RIPOR2: variants seen among roughly 807,000 people sequenced by gnomAD.
RIPOR2 encodes RHO family interacting cell polarization regulator 2.
Under a neutral mutation model 114.5 loss-of-function variants are expected in RIPOR2, and 39 were observed. The ratio of observed to expected loss-of-function variants is 0.34; its 90% CI spans 0.26 to 0.44. The LOEUF (loss-of-function observed/expected upper bound fraction) is 0.44, where lower values mean the gene tolerates loss of function less well. Among genes scored for constraint, RIPOR2 ranks in the 20% least tolerant of loss-of-function variants. The probability of loss-of-function intolerance (pLI) is 1.00; values close to 1 mark genes in which losing one functional copy is unlikely to be tolerated. For synonymous variants in RIPOR2, 445 were observed against 484.4 expected (o/e 0.92, Z 1.07); for missense variants, 1,007 against 1,255.1 (o/e 0.80, Z 2.99).
chr6:24,839,033 G>A, intron 14 of RIPOR2, 58 bp downstream of exon 14: 12 of 1,373,888 alleles, frequency 8.7e-6, no homozygotes, highest in Non-Finnish European at 1.2e-5. Flanking sequence ...CAGTAACAAA[G>A]AACTACTGTA....
Position 24,880,453 on chromosome 6 carries a change from G to A in RIPOR2, c.62-4636C>T, listed in dbSNP as rs58061689. ...AACTACACACAGTCTATGGAGAGGT[G>A]GGATTGAGTGGTAGTCAGAAACATT... On this transcript the variant is annotated intron_variant, in intron 1 of 21. Coordinates refer to ENST00000643898, the MANE Select transcript of RIPOR2 (RefSeq NM_001286445.3). Among the ~76,000 whole-genome samples the A allele has an allele frequency of 2.7e-3, 414 of 152,182 alleles. 2 individuals are homozygous for A. Among genetic ancestry groups the A allele is most frequent in the African/African-American group, 7.9e-3 (328 of 41,522 alleles).
intron 8 of RIPOR2, among the ~76,000 whole-genome samples, chr6:24,854,788 G>T (rs1763278341): frequency 6.6e-6 from 1 of 152,098 alleles, no homozygotes; most frequent in African/African-American, 2.4e-5. Flanking sequence ...AGCACTTTAG[G>T]AGGCTGAGGT....
intron 1 of RIPOR2, among the ~76,000 whole-genome samples, chr6:25,032,656 CT>C (rs1156973495): frequency 3.9e-5 from 6 of 152,202 alleles, no homozygotes; most frequent in Non-Finnish European, 8.8e-5. Context: ...CACAGCATGG[CT>C]GGAGAGTCAC....
At chr6:25,018,883 G>C (rs891566350) in intron 1 of RIPOR2, among the ~76,000 whole-genome samples, 5 of 152,050 alleles carry the variant, frequency 3.3e-5, no homozygotes, top group Admixed American at 3.3e-4. Flanking sequence ...TGAGAGTTTG[G>C]ATATCTATTG....
chr6:24,981,098 G>T (rs1275503486), intron 1 of RIPOR2, among the ~76,000 whole-genome samples: 1 of 152,152 alleles, frequency 6.6e-6, no homozygotes, highest in Non-Finnish European at 1.5e-5. Flanking sequence ...GAACAAAAGG[G>T]TGTAGAGTTT....
At chr6:25,040,120 C>CTTT (rs11384967) in intron 1 of RIPOR2, among the ~76,000 whole-genome samples, 1 of 144,888 alleles carries the variant, frequency 6.9e-6, no homozygotes, top group Non-Finnish European at 1.5e-5. Flanking sequence ...TAGACTTCTA[C>CTTT]TTTTTTTTTT....
chr6:24,875,588 G>GA (rs1351495204), intron 2 of RIPOR2, 103 bp downstream of exon 2: 1 of 1,078,362 alleles, frequency 9.3e-7, no homozygotes. Context: ...GAGGAGGCCG[G>GA]GGGGCGGTTT....
chr6:25,034,603 A>G (rs191622721), intron 1 of RIPOR2, among the ~76,000 whole-genome samples: 1 of 152,170 alleles, frequency 6.6e-6, no homozygotes, highest in Non-Finnish European at 1.5e-5. Context: ...GGCTCTTTAG[A>G]TCCTTCATCA....
At chr6:25,000,186 A>T (rs1775238651) in intron 1 of RIPOR2, among the ~76,000 whole-genome samples, 1 of 152,118 alleles carries the variant, frequency 6.6e-6, no homozygotes, top group Admixed American at 6.6e-5. Flanking sequence ...GACAACTCTT[A>T]CTTTCACTTC....
chr6:24,855,107 A>T (rs1396028445), intron 8 of RIPOR2, among the ~76,000 whole-genome samples: 2 of 151,944 alleles, frequency 1.3e-5, no homozygotes, highest in Admixed American at 1.3e-4. Context: ...ATCCCCAGGG[A>T]AAAAAGTCTA....
intron 1 of RIPOR2, among the ~76,000 whole-genome samples, chr6:24,935,323 A>C (rs1264311459): frequency 8.0e-5 from 7 of 87,332 alleles, no homozygotes; most frequent in Admixed American, 3.7e-4. Context: ...ACAACAACAA[A>C]AAAAAAAAAA....
At position 24,883,711 on chromosome 6, in the gene RIPOR2, AAGCTGAATCAGTAAGCAACC is replaced by A. The variant is rs1766553929; in HGVS notation, c.62-7914_62-7895del. Among the ~76,000 whole-genome samples, 1 of 152,204 alleles carries A rather than the reference AAGCTGAATCAGTAAGCAACC, an allele frequency of 6.6e-6. No homozygotes were observed. The highest frequency in any genetic ancestry group is 6.5e-5 in the Admixed American group (1 of 15,286). On this transcript the variant is annotated intron_variant, in intron 1 of 21. Coordinates refer to ENST00000643898, the MANE Select transcript of RIPOR2 (RefSeq NM_001286445.3). This position sits in a 1 kb window ranked among gnomAD's most constrained non-coding sequence, Gnocchi z 4.1. Reference sequence around the variant, plus strand: ...AGTGCCAAGAAATCAGGACTTGGAAAAGCTGAATCAGTAAGCAACCAGCTGAGAGTTGCTTTCGTGATTTG... The same window carrying A: ...AGTGCCAAGAAATCAGGACTTGGAAAAGCTGAGAGTTGCTTTCGTGATTTG...
intron 1 of RIPOR2, among the ~76,000 whole-genome samples, chr6:24,881,160 C>T (rs776234166): frequency 2.0e-5 from 3 of 152,136 alleles, no homozygotes; most frequent in Non-Finnish European, 4.4e-5. Flanking sequence ...AGGAGCATTG[C>T]TTGAACCCGG....
At chr6:24,903,392 TCA>T (rs1352805542) in intron 1 of RIPOR2, among the ~76,000 whole-genome samples, 1 of 152,008 alleles carries the variant, frequency 6.6e-6, no homozygotes, top group African/African-American at 2.4e-5. Context: ...AGTATCAGAG[TCA>T]CTTTATTGAA....
chr6:24,926,421 G>A (rs183099330), intron 1 of RIPOR2, among the ~76,000 whole-genome samples: 3 of 152,324 alleles, frequency 2.0e-5, no homozygotes, highest in East Asian at 1.9e-4. Context: ...ATTTTCAGGC[G>A]GAGACCAGAT....
intron 1 of RIPOR2, among the ~76,000 whole-genome samples, chr6:24,971,565 T>C (rs549843759): frequency 6.6e-6 from 1 of 152,240 alleles, no homozygotes; most frequent in African/African-American, 2.4e-5. Context: ...TTTCTTCCTA[T>C]GCGTGGTTAA....
intron 19 of RIPOR2, among the ~76,000 whole-genome samples, chr6:24,820,650 T>C (rs113119445): frequency 0.023 from 3,486 of 152,276 alleles, 53 homozygotes; most frequent in Middle Eastern, 0.034. Flanking sequence ...GCTCTTTCAT[T>C]TGGCATAGTA....
chr6:24,929,142 G>A (rs903705267), intron 1 of RIPOR2: 1 of 151,350 alleles, frequency 6.6e-6, no homozygotes, highest in East Asian at 1.9e-4. Flanking sequence ...TGCTATCACA[G>A]CATAGGTCAA....
chr6:24,835,630 T>C (rs1761045776), intron 15 of RIPOR2, 73 bp downstream of exon 15: 3 of 1,450,078 alleles, frequency 2.1e-6, no homozygotes, highest in South Asian at 2.5e-5. Context: ...CTGGCAACAC[T>C]AAAAAATGAA....
Sources: gnomAD v4.1 joint callset for allele counts (sites outside exome capture counted in the v4.1 genomes callset) on GRCh38, gnomAD v4.1.1 for gene constraint, Gnocchi (gnomAD v3.1) non-coding constraint, MANE v1.5 for transcripts, NCBI Gene and HGNC (gene_info 2026-07-23, HGNC 2026-07-21) for gene names.